The following PRKG1 variants were observed in gnomAD, a reference collection of about 807,000 sequenced individuals.
The protein encoded by PRKG1 is cGMP-dependent protein kinase 1.
A neutral mutation model predicts 88.1 loss-of-function variants in PRKG1; 35 were observed. The observed-to-expected ratio is 0.40, with a 90% CI of 0.30 to 0.53. PRKG1 has a LOEUF of 0.53. Among genes scored for constraint, PRKG1 ranks in the 20% least tolerant of loss-of-function variants. PRKG1 has a pLI of 0.59. For missense variants in PRKG1, 540 were observed against 839.8 expected (o/e 0.64, Z 4.41); for synonymous variants, 303 against 292.5 (o/e 1.04, Z -0.37).
intron 3 of PRKG1, among the ~76,000 whole-genome samples, chr10:51,735,116 T>A (rs1262439906): frequency 1.3e-5 from 2 of 152,268 alleles, no homozygotes; most frequent in East Asian, 3.9e-4. Context: ...CTAGAAGACA[T>A]CTGTTAGGGG....
At chr10:51,587,595 T>C (rs532665608) in intron 3 of PRKG1, among the ~76,000 whole-genome samples, 1 of 152,336 alleles carries the variant, frequency 6.6e-6, no homozygotes, top group Non-Finnish European at 1.5e-5. Context: ...GTTACTTTAG[T>C]ATTAAATATT....
intron 5 of PRKG1, among the ~76,000 whole-genome samples, chr10:52,051,990 T>C (rs1181413089): frequency 6.6e-6 from 1 of 152,192 alleles, no homozygotes; most frequent in African/African-American, 2.4e-5. Flanking sequence ...CTCTCCCGCT[T>C]GTCCCAAAGC....
In PRKG1 at chr10:52,294,820, G is replaced by A. The variant is rs1196728951; in HGVS notation, c.*920G>A. The A allele has an allele frequency of 6.6e-6, 1 of 152,430 alleles. No individual in the cohort carries two copies. Among genetic ancestry groups the A allele is most frequent in the African/African-American group, 2.4e-5 (1 of 41,414 alleles). The allele number at this position is 152,430 out of a possible 1,614,324, so 9.4% of individuals were successfully genotyped here. On this transcript the variant is annotated 3_prime_UTR_variant, in exon 18 of 18. Coordinates refer to ENST00000373980, the MANE Select transcript of PRKG1 (RefSeq NM_006258.4). ...ATAAATGCTTGGGGTAGGGTGGAGT[G>A]GGGAGGGATTAAAACCCATCCAAAA...
chr10:51,137,541 T>C (rs1338095241), intron 1 of PRKG1, among the ~76,000 whole-genome samples: 1 of 152,164 alleles, frequency 6.6e-6, no homozygotes, highest in Admixed American at 6.5e-5. Context: ...ATACAGCAAC[T>C]TGAATGCTAT....
rs554382644 is a variant in PRKG1 at position 51,675,587 on chromosome 10, T to C, written c.593-128998T>C. The stretch of plus-strand genomic sequence containing the variant: ...TAAGTACTTACTCAAAAGCATTTAC[T>C]AAGTTAAAACCAAAAGATGTCTAGT... On this transcript the variant is annotated intron_variant, in intron 3 of 17. Coordinates refer to ENST00000373980, the MANE Select transcript of PRKG1 (RefSeq NM_006258.4). 1.7e-4 allele frequency among the ~76,000 whole-genome samples: 26 copies of C among 152,322 alleles called. No individual in the cohort carries two copies. In the South Asian group the frequency reaches 3.7e-3, roughly 22 times the overall value.
At chr10:51,507,586 A>C (rs2132053926) in intron 3 of PRKG1, among the ~76,000 whole-genome samples, 1 of 152,048 alleles carries the variant, frequency 6.6e-6, no homozygotes, top group East Asian at 1.9e-4. Context: ...TGTAAGTACC[A>C]CTCCCTAGGA....
chr10:51,141,323 C>T (rs1348783256), intron 1 of PRKG1, among the ~76,000 whole-genome samples: 2 of 152,150 alleles, frequency 1.3e-5, no homozygotes, highest in Non-Finnish European at 2.9e-5. Context: ...TTCTTTATTG[C>T]TTCTCTGTTT....
intron 8 of PRKG1, among the ~76,000 whole-genome samples, chr10:52,141,828 A>G (rs1837589489): frequency 6.6e-6 from 1 of 152,156 alleles, no homozygotes; most frequent in Non-Finnish European, 1.5e-5. Flanking sequence ...GGAACATACA[A>G]ACCAGAGCTT....
chr10:51,294,641 T>TAC (rs1840671095), intron 2 of PRKG1, among the ~76,000 whole-genome samples: 1 of 152,206 alleles, frequency 6.6e-6, no homozygotes, highest in Non-Finnish European at 1.5e-5. Flanking sequence ...ACTAAACTAA[T>TAC]ACTTCTGGGC....
chr10:51,900,216 T>C (rs1288727597), intron 4 of PRKG1, among the ~76,000 whole-genome samples: 2 of 152,170 alleles, frequency 1.3e-5, no homozygotes, highest in Non-Finnish European at 2.9e-5. Flanking sequence ...TTGAAATATA[T>C]GAAGAAAATA....
chr10:51,405,350 C>T (rs899796498), intron 2 of PRKG1, among the ~76,000 whole-genome samples: 6 of 152,150 alleles, frequency 3.9e-5, no homozygotes, highest in Non-Finnish European at 8.8e-5. Context: ...TCCTTTAACC[C>T]TTAGAGGAGT....
At chr10:51,324,356 C>A (rs1004515284) in intron 2 of PRKG1, among the ~76,000 whole-genome samples, 1 of 152,094 alleles carries the variant, frequency 6.6e-6, no homozygotes, top group Admixed American at 6.6e-5. Flanking sequence ...TGATGTTTGT[C>A]TTTCTGTGCT....
chr10:51,331,411 G>A (rs927672448), intron 2 of PRKG1, among the ~76,000 whole-genome samples: 1 of 152,130 alleles, frequency 6.6e-6, no homozygotes, highest in Non-Finnish European at 1.5e-5. Context: ...CTCAGTCTGT[G>A]AGTACCAGCC....
intron 5 of PRKG1, among the ~76,000 whole-genome samples, chr10:52,049,313 G>T (rs1258956500): frequency 6.6e-6 from 1 of 152,056 alleles, no homozygotes; most frequent in East Asian, 1.9e-4. Flanking sequence ...CCAGTTGAGT[G>T]CAAAGTCCCT....
intron 3 of PRKG1, chr10:51,697,345 C>T (rs529479702): frequency 6.6e-4 from 137 of 208,996 alleles, no homozygotes; most frequent in African/African-American, 2.9e-3. Context: ...AACTTTTAGT[C>T]TTTATGAGCA....
intron 3 of PRKG1, among the ~76,000 whole-genome samples, chr10:51,565,608 G>T (rs1219821484): frequency 6.6e-6 from 1 of 152,026 alleles, no homozygotes; most frequent in East Asian, 1.9e-4. Flanking sequence ...TATTAAAGTG[G>T]ATATGAACTT....
chr10:52,108,379 G>A (rs11000800), intron 7 of PRKG1, among the ~76,000 whole-genome samples: 8,855 of 152,092 alleles, frequency 0.058, 491 homozygotes, highest in East Asian at 0.34. Context: ...TTTTTTCAGG[G>A]AACTCTGCCT....
intron 3 of PRKG1, among the ~76,000 whole-genome samples, chr10:51,746,000 T>A (rs947940915): frequency 3.9e-5 from 6 of 152,140 alleles, no homozygotes; most frequent in African/African-American, 1.4e-4. Context: ...CATGCCATCT[T>A]GTCTGTCTAG....
Position 51,637,473 on chromosome 10 carries a change from G to A in PRKG1, c.593-167112G>A, listed in dbSNP as rs151167873. Among the ~76,000 whole-genome samples the A allele has an allele frequency of 4.0e-3, 616 of 152,298 alleles. 4 individuals are homozygous for A. Among genetic ancestry groups the A allele is most frequent in the African/African-American group, 0.013 (549 of 41,560 alleles). On this transcript the variant is annotated intron_variant, in intron 3 of 17. Coordinates refer to ENST00000373980, the MANE Select transcript of PRKG1 (RefSeq NM_006258.4). ...ATTATAAAGATACGCATATGTATGCGTTCATTGCAGTATTATTCACAATAA... is the reference window on the plus strand; with the variant it reads ...ATTATAAAGATACGCATATGTATGCATTCATTGCAGTATTATTCACAATAA...
Sources: gnomAD v4.1 joint callset for allele counts (sites outside exome capture counted in the v4.1 genomes callset) on GRCh38, gnomAD v4.1.1 for gene constraint, MANE v1.5 for transcripts, NCBI Gene and HGNC (gene_info 2026-07-23, HGNC 2026-07-21) for gene names.